GRIK2: variants seen among roughly 807,000 people sequenced by gnomAD.
GRIK2 encodes the protein glutamate ionotropic receptor kainate type subunit 2, also known as glutamate receptor ionotropic, kainate 2.
GRIK2 carries 32 observed loss-of-function variants against 100.3 expected under a neutral mutation model. The ratio of observed to expected loss-of-function variants is 0.32; its 90% CI spans 0.24 to 0.43. GRIK2 has a LOEUF of 0.43. Ranked by LOEUF, GRIK2 falls within the 20% of genes least tolerant of loss-of-function variation. The pLI is 1.00. For missense variants in GRIK2, 843 were observed against 1,114.9 expected (o/e 0.76, Z 3.47); for synonymous variants, 417 against 389.4 (o/e 1.07, Z -0.83).
At chr6:101,482,050 A>T (rs2128261557) in intron 2 of GRIK2, among the ~76,000 whole-genome samples, 1 of 152,314 alleles carries the variant, frequency 6.6e-6, no homozygotes, top group South Asian at 2.1e-4. Context: ...CTGTGAGTCA[A>T]TTAAACCTCT....
chr6:101,623,322 G>A (rs985781546), intron 3 of GRIK2, among the ~76,000 whole-genome samples: 1 of 151,994 alleles, frequency 6.6e-6, no homozygotes, highest in African/African-American at 2.4e-5. Context: ...ATACAAATAA[G>A]TTTCCACATT....
chr6:101,747,532 A>C (rs933081628), intron 7 of GRIK2, among the ~76,000 whole-genome samples: 1 of 152,152 alleles, frequency 6.6e-6, no homozygotes, highest in Non-Finnish European at 1.5e-5. Context: ...TTTCATCCTA[A>C]GTAATTAATA....
intron 7 of GRIK2, among the ~76,000 whole-genome samples, chr6:101,762,267 T>C (rs1273967950): frequency 6.6e-6 from 1 of 151,914 alleles, no homozygotes; most frequent in Non-Finnish European, 1.5e-5. Context: ...CTCAAACTCC[T>C]GTGCTCGAAT....
intron 14 of GRIK2, among the ~76,000 whole-genome samples, chr6:102,012,868 A>C (rs1326244838): frequency 6.6e-6 from 1 of 152,018 alleles, no homozygotes; most frequent in South Asian, 2.1e-4. Context: ...TCAGTAATGT[A>C]ATACCTCTAG....
chr6:101,945,910 G>GTTTTTTTTTTTTTTT (rs66532199), intron 14 of GRIK2, among the ~76,000 whole-genome samples: 2 of 131,432 alleles, frequency 1.5e-5, no homozygotes, highest in Non-Finnish European at 3.3e-5. Context: ...TCTATCTACT[G>GTTTTTTTTTTTTTTT]TTTTTTTTTT....
At chr6:101,942,365 AC>A (rs1791009921) in intron 14 of GRIK2, among the ~76,000 whole-genome samples, 1 of 152,190 alleles carries the variant, frequency 6.6e-6, no homozygotes, top group South Asian at 2.1e-4. Flanking sequence ...CTCTAAAGAT[AC>A]CTGAACATGT....
chr6:101,833,661 A>C (rs1782852819), intron 10 of GRIK2, among the ~76,000 whole-genome samples: 1 of 152,054 alleles, frequency 6.6e-6, no homozygotes, highest in Non-Finnish European at 1.5e-5. Flanking sequence ...ATTGTCATTA[A>C]CTTTCAAATT....
At chr6:101,779,518 G>A (rs1228889448) in intron 7 of GRIK2, among the ~76,000 whole-genome samples, 1 of 152,116 alleles carries the variant, frequency 6.6e-6, no homozygotes, top group Non-Finnish European at 1.5e-5. Context: ...GTTTTTGGCT[G>A]AAAAACATTT....
intron 7 of GRIK2, among the ~76,000 whole-genome samples, chr6:101,719,061 A>G (rs1419731285): frequency 6.6e-6 from 1 of 150,410 alleles, no homozygotes; most frequent in Non-Finnish European, 1.5e-5. Flanking sequence ...TCAAAGAACA[A>G]TATATATGAT....
At chr6:102,035,741 G>C (rs1196322996) in intron 15 of GRIK2, among the ~76,000 whole-genome samples, 175 bp downstream of exon 15, 1 of 151,284 alleles carries the variant, frequency 6.6e-6, no homozygotes, top group East Asian at 1.9e-4. Context: ...CTTCTGAATA[G>C]ATAAGTCAAA....
intron 2 of GRIK2, among the ~76,000 whole-genome samples, chr6:101,414,577 G>T (rs75326674): frequency 0.052 from 7,865 of 152,180 alleles, 250 homozygotes; most frequent in Non-Finnish European, 0.072. Context: ...TGGTATGCTG[G>T]ATCTGTAAGT....
At chr6:101,779,146 G>A (rs985110319) in intron 7 of GRIK2, among the ~76,000 whole-genome samples, 2 of 151,874 alleles carry the variant, frequency 1.3e-5, no homozygotes, top group Non-Finnish European at 2.9e-5. Context: ...GAAAATGTAA[G>A]CATACATAGA....
chr6:101,894,336 T>C (rs1336520938), intron 12 of GRIK2, among the ~76,000 whole-genome samples: 5 of 151,748 alleles, frequency 3.3e-5, no homozygotes, highest in Non-Finnish European at 4.4e-5. Flanking sequence ...TGATCTCCTG[T>C]AAGCAGTTAT....
At chr6:101,933,890 G>A (rs562771710) in intron 14 of GRIK2, among the ~76,000 whole-genome samples, 1 of 152,036 alleles carries the variant, frequency 6.6e-6, no homozygotes, top group East Asian at 1.9e-4. Context: ...GGAATGAAAA[G>A]CAAGTGGGTT....
In GRIK2 at chr6:101,886,930, A is replaced by C. The variant is rs1432161955; in HGVS notation, c.1525-2710A>C. Reference sequence around the variant, plus strand: ...AACCTCCACCTCCTGGGTTCAAGTGATTCCCCTGCTTCAGCCTCCCGAGTA... The same window carrying C: ...AACCTCCACCTCCTGGGTTCAAGTGCTTCCCCTGCTTCAGCCTCCCGAGTA... On this transcript the variant is annotated intron_variant, in intron 11 of 16. Transcript: ENST00000369134. Among the ~76,000 whole-genome samples the C allele has an allele frequency of 2.2e-5, 3 of 139,252 alleles. No homozygotes were observed. The Admixed American group carries it at 2.4e-4, about 11-fold the overall frequency. 91.4% of individuals were successfully genotyped at this position (139,252 alleles called of 152,430 possible).
At chr6:101,754,838 G>C (rs1260606945) in intron 7 of GRIK2, among the ~76,000 whole-genome samples, 1 of 152,210 alleles carries the variant, frequency 6.6e-6, no homozygotes, top group Non-Finnish European at 1.5e-5. Context: ...GTGAGGAAAT[G>C]AAATGTTACT....
chr6:101,900,898 G>A (rs1787804106), intron 12 of GRIK2, among the ~76,000 whole-genome samples: 1 of 149,532 alleles, frequency 6.7e-6, no homozygotes, highest in African/African-American at 2.4e-5. Flanking sequence ...TACTTACTGA[G>A]TGTCCTTGTT....
At chr6:101,818,255 A>T in intron 9 of GRIK2, 115 bp from the exon 10 acceptor site, 1 of 622,094 alleles carries the variant, frequency 1.6e-6, no homozygotes, top group Non-Finnish European at 2.9e-6. Flanking sequence ...CTTTAACGGC[A>T]GCAGACAATG....
chr6:102,010,711 C>G (rs1795489821), intron 14 of GRIK2, among the ~76,000 whole-genome samples: 1 of 151,076 alleles, frequency 6.6e-6, no homozygotes, highest in Admixed American at 6.6e-5. Context: ...CCATAACAAT[C>G]ACTTTTTTTT....
Sources: allele counts gnomAD v4.1 joint callset (sites outside exome capture counted in the v4.1 genomes callset), GRCh38; gene constraint gnomAD v4.1.1; transcripts MANE v1.5; gene names NCBI Gene and HGNC (gene_info 2026-07-23, HGNC 2026-07-21).